Variants in GREB1L observed in about 807,000 individuals in gnomAD.
GREB1L encodes GREB1 like retinoic acid receptor coactivator, also known as GREB1-like protein.
Under a neutral mutation model 200.8 loss-of-function variants are expected in GREB1L, and 17 were observed. That is an observed-to-expected ratio of 0.08 (90% CI 0.06 to 0.13). The LOEUF is 0.13. GREB1L is among the 10% of genes least tolerant of loss of function. The probability of loss-of-function intolerance (pLI) is 1.00; values close to 1 mark genes in which losing one functional copy is unlikely to be tolerated. For missense variants in GREB1L, 1,657 were observed against 2,367.7 expected, an observed-to-expected ratio of 0.70 and a Z score of 6.23; for synonymous variants, 789 against 893.0, an observed-to-expected ratio of 0.88 and a Z score of 2.08.
intron 2 of GREB1L, among the ~76,000 whole-genome samples, chr18:21,374,358 G>T (rs2039990168): frequency 6.6e-6 from 1 of 152,042 alleles, no homozygotes; most frequent in Non-Finnish European, 1.5e-5. Flanking sequence ...GGCTCATCTG[G>T]AGTATTCCCT....
At position 21,490,331 on chromosome 18, in the gene GREB1L, C is replaced by T; in HGVS notation, c.3010C>T (p.His1004Tyr). ...NPATELSVAT[H>Y]FVARLKSWRG... ...GGCCACCGAACTCAGTGTTGCAACT[C>T]ACTTTGTGGCGCGATTAAAGGTTAG... Residue 1004 changes from histidine (H) to tyrosine (Y), a missense_variant, in exon 19 of 33, where the codon CAC becomes TAC. This residue lies in a region of GREB1L where 512 missense variants were observed against 668.3 expected (regional missense o/e 0.77). Coordinates refer to ENST00000424526, the MANE Select transcript of GREB1L (RefSeq NM_001142966.3). 1.3e-6 allele frequency: 2 copies of T among 1,551,344 alleles called. No individual in the cohort carries two copies. The highest frequency in any genetic ancestry group is 1.7e-6 in the Non-Finnish European group (2 of 1,146,568).
At chr18:21,496,410 C>A in intron 20 of GREB1L, 44 bp from the exon 21 acceptor site, 2 of 1,547,556 alleles carry the variant, frequency 1.3e-6, no homozygotes, top group Non-Finnish European at 1.7e-6. Context: ...ACACTGCGTG[C>A]CTGGCCAGAT....
chr18:21,518,223 A>G lies in GREB1L; in HGVS notation c.5461A>G (p.Ile1821Val). 1.3e-6 allele frequency: 2 copies of G among 1,551,582 alleles called. No homozygotes were observed. Among genetic ancestry groups the G allele is most frequent in the African/African-American group, 1.4e-5 (1 of 73,142 alleles). The change falls in exon 31 of 33, where the codon ATT becomes GTT. Residue 1821 changes from isoleucine (I) to valine (V), a missense_variant. By Grantham distance (29) the Ile-to-Val change is conservative. Coordinates refer to ENST00000424526, the MANE Select transcript of GREB1L (RefSeq NM_001142966.3). ...GCTGGCCATTGACTGCTACCTTAAC[A>G]TTGGACCAGAGGTAAAAAGGGTGTG... is the stretch of plus-strand genomic sequence containing the variant. ...PVLAIDCYLN[I>V]GPEVAICYIS...
chr18:21,375,128 A>T (rs2040021091), intron 2 of GREB1L, among the ~76,000 whole-genome samples: 1 of 151,402 alleles, frequency 6.6e-6, no homozygotes, highest in Non-Finnish European at 1.5e-5. Context: ...CAGTGGCACG[A>T]ACTTGGCTCA....
intron 17 of GREB1L, among the ~76,000 whole-genome samples, chr18:21,479,584 T>C (rs1205292454): frequency 6.6e-6 from 1 of 151,370 alleles, no homozygotes; most frequent in Middle Eastern, 3.4e-3. Flanking sequence ...GAGGCTGAAG[T>C]GGGAAGACTG....
At position 21,478,962 on chromosome 18, in the gene GREB1L, A is replaced by G. The variant is rs181048067; in HGVS notation, c.2556+1606A>G. On this transcript the variant is annotated intron_variant, in intron 17 of 32. Transcript: ENST00000424526. ...AGTGGTGCGAAGTCAGCTCACTGCA[A>G]CCTCCACCTCCCAGGTTCAAGCAGT... Among the ~76,000 whole-genome samples, 451 of 152,142 alleles carry G rather than the reference A, an allele frequency of 3.0e-3. 1 individual carries two copies. Among genetic ancestry groups the G allele is most frequent in the Middle Eastern group, 6.8e-3 (2 of 294 alleles).
chr18:21,364,456 G>A (rs1027119266), intron 1 of GREB1L, among the ~76,000 whole-genome samples: 1 of 151,762 alleles, frequency 6.6e-6, no homozygotes, highest in African/African-American at 2.4e-5. Context: ...AGTAAGAAAG[G>A]AGAAGAGGGG....
Position 21,490,160 on chromosome 18 carries a change from C to T in GREB1L, c.2839C>T (p.Pro947Ser). 3.2e-6 allele frequency: 5 copies of T among 1,551,770 alleles called. No homozygotes were observed. Among genetic ancestry groups the T allele is most frequent in the Non-Finnish European group, 4.4e-6 (5 of 1,147,000 alleles). Residue 947 changes from proline to serine, a missense_variant, in exon 19 of 33, where the codon CCA becomes TCA. Physicochemically the swap from Pro to Ser is moderately conservative, Grantham distance 74 (BLOSUM62 -1). Transcript: ENST00000424526. ...CATTATGGATGACCTCATCAGCTCC[C>T]CAGGCAAAAACAAAAGTGGGAGGGG... Reference protein sequence around the residue: ...LSIMDDLISSPGKNKSGRGHM... With the variant: ...LSIMDDLISSSGKNKSGRGHM...
chr18:21,266,796 G>T (rs1324042541), intron 1 of GREB1L, among the ~76,000 whole-genome samples: 1 of 152,166 alleles, frequency 6.6e-6, no homozygotes, highest in African/African-American at 2.4e-5. Context: ...CCCTGGCAAG[G>T]ATGTTGGAAG....
At chr18:21,392,870 C>G (rs1180714894) in intron 4 of GREB1L, among the ~76,000 whole-genome samples, 1 of 151,978 alleles carries the variant, frequency 6.6e-6, no homozygotes. Flanking sequence ...CTCCCTAGCT[C>G]AAGGGATGCT....
At chr18:21,307,463 A>G (rs1228684489) in intron 1 of GREB1L, among the ~76,000 whole-genome samples, 1 of 152,150 alleles carries the variant, frequency 6.6e-6, no homozygotes, top group African/African-American at 2.4e-5. Flanking sequence ...TGGTCCTAAC[A>G]CTGAGATTTT....
chr18:21,435,095 T>C (rs2033452132), intron 7 of GREB1L: 1 of 152,676 alleles, frequency 6.5e-6, no homozygotes, highest in African/African-American at 2.4e-5. Flanking sequence ...TCCTCACTTA[T>C]ATATCTTTGG....
intron 32 of GREB1L, 37 bp downstream of exon 32, chr18:21,520,860 T>C: frequency 6.7e-7 from 1 of 1,489,914 alleles, no homozygotes; most frequent in Non-Finnish European, 9.0e-7. Flanking sequence ...TAATTGCTAT[T>C]GGTTCCCACT....
chr18:21,270,495 C>G (rs2038061082), intron 1 of GREB1L, among the ~76,000 whole-genome samples: 1 of 152,152 alleles, frequency 6.6e-6, no homozygotes, highest in African/African-American at 2.4e-5. Flanking sequence ...TGTCTAGAGC[C>G]AGGCCCCAGA....
intron 17 of GREB1L, among the ~76,000 whole-genome samples, chr18:21,481,020 G>A (rs1480317406): frequency 1.3e-5 from 2 of 151,706 alleles, no homozygotes; most frequent in African/African-American, 2.4e-5. Context: ...AAAAAAGAAA[G>A]AAAGAAAAAG....
At chr18:21,448,370 A>T (rs1185683950) in intron 11 of GREB1L, among the ~76,000 whole-genome samples, 2 of 152,160 alleles carry the variant, frequency 1.3e-5, no homozygotes, top group Admixed American at 1.3e-4. Context: ...GATTTTATTT[A>T]ATTTTCCATA....
chr18:21,474,409 T>A (rs2035604170), intron 16 of GREB1L, among the ~76,000 whole-genome samples: 1 of 152,190 alleles, frequency 6.6e-6, no homozygotes. Context: ...ACCCCACATT[T>A]CCCTTCCACA....
chr18:21,500,330 G>A (rs954285340), intron 22 of GREB1L, 24 bp downstream of exon 22: 58 of 1,025,270 alleles, frequency 5.7e-5, no homozygotes, highest in Admixed American at 1.5e-4. Flanking sequence ...AGCCGGGGCC[G>A]TTTCTTAGGC....
chr18:21,310,123 T>G (rs2038768061), intron 1 of GREB1L, among the ~76,000 whole-genome samples: 1 of 152,236 alleles, frequency 6.6e-6, no homozygotes, highest in Non-Finnish European at 1.5e-5. Flanking sequence ...TTTAAACAGC[T>G]GCACTCTAGC....
Sources: allele counts gnomAD v4.1 joint callset (sites outside exome capture counted in the v4.1 genomes callset), GRCh38; gene constraint gnomAD v4.1.1; regional missense constraint gnomAD v4.1.1; transcripts MANE v1.5; gene names NCBI Gene and HGNC (gene_info 2026-07-23, HGNC 2026-07-21).